GPC5: variants seen among roughly 807,000 people sequenced by gnomAD.
GPC5 encodes glypican-5.
Under a neutral mutation model 53.9 loss-of-function variants are expected in GPC5, and 47 were observed. The observed-to-expected ratio is 0.87, with a 90% CI of 0.69 to 1.11. The LOEUF (loss-of-function observed/expected upper bound fraction) is 1.11. Ranked by LOEUF, GPC5 falls within the 50% of genes most tolerant of loss-of-function variation. GPC5 has a pLI of 0.00. For missense variants in GPC5, 748 were observed against 713.1 expected (o/e 1.05, Z -0.56); for synonymous variants, 286 against 263.3 (o/e 1.09, Z -0.84).
intron 7 of GPC5, among the ~76,000 whole-genome samples, chr13:92,389,223 G>A (rs116672602): frequency 0.011 from 1,683 of 152,220 alleles, 33 homozygotes; most frequent in African/African-American, 0.038. Context: ...GATTCAAAGA[G>A]ATAAAGTGAT....
intron 7 of GPC5, among the ~76,000 whole-genome samples, chr13:92,268,094 A>G (rs1029491673): frequency 6.8e-6 from 1 of 148,040 alleles, no homozygotes; most frequent in Non-Finnish European, 1.5e-5. Flanking sequence ...CACAATGGAT[A>G]AGGCACCTTA....
chr13:92,710,139 T>C (rs564996985), intron 7 of GPC5, among the ~76,000 whole-genome samples: 8 of 152,300 alleles, frequency 5.3e-5, no homozygotes, highest in African/African-American at 1.9e-4. Context: ...ATTGTCATAA[T>C]AGTCAAATCA....
chr13:92,452,382 GA>G (rs1878097650), intron 7 of GPC5, among the ~76,000 whole-genome samples: 3 of 152,134 alleles, frequency 2.0e-5, no homozygotes, highest in African/African-American at 7.2e-5. Context: ...ACAAAAATAA[GA>G]AAACTCAAGT....
intron 6 of GPC5, among the ~76,000 whole-genome samples, chr13:91,908,466 TAA>T (rs2039577835): frequency 6.6e-6 from 1 of 152,142 alleles, no homozygotes; most frequent in Non-Finnish European, 1.5e-5. Flanking sequence ...CATTTCAATA[TAA>T]GTTAGGTCAT....
At chr13:91,977,081 T>TAAAA (rs1311714971) in intron 6 of GPC5, among the ~76,000 whole-genome samples, 16 of 135,492 alleles carry the variant, frequency 1.2e-4, no homozygotes, top group East Asian at 6.6e-4. Context: ...AATAAATAAA[T>TAAAA]AAAATAACCA....
intron 2 of GPC5, among the ~76,000 whole-genome samples, chr13:91,678,677 T>C (rs1483771458): frequency 6.6e-6 from 1 of 151,972 alleles, no homozygotes; most frequent in African/African-American, 2.4e-5. Context: ...AAAAATATAA[T>C]TAATTGATGG....
At chr13:92,244,766 G>A (rs930422358) in intron 7 of GPC5, among the ~76,000 whole-genome samples, 2 of 152,008 alleles carry the variant, frequency 1.3e-5, no homozygotes, top group Non-Finnish European at 2.9e-5. Context: ...TTGGCTGGGC[G>A]CAATGGCTCA....
chr13:91,461,519 C>T (rs1409235979), intron 2 of GPC5, among the ~76,000 whole-genome samples: 1 of 152,090 alleles, frequency 6.6e-6, no homozygotes, highest in Non-Finnish European at 1.5e-5. Flanking sequence ...CCTCAATATC[C>T]TTGCTTGTAG....
chr13:92,152,701 T>G (rs1365204952), intron 7 of GPC5, among the ~76,000 whole-genome samples: 2 of 144,466 alleles, frequency 1.4e-5, no homozygotes, highest in Non-Finnish European at 3.0e-5. Flanking sequence ...ATCGCACCAC[T>G]GCATTCCAGC....
intron 2 of GPC5, among the ~76,000 whole-genome samples, chr13:91,479,999 C>T (rs1355546984): frequency 6.6e-6 from 1 of 152,212 alleles, no homozygotes; most frequent in Middle Eastern, 3.4e-3. Context: ...TTTTTATGCT[C>T]TAATTACTGT....
At chr13:92,268,100 C>T (rs954045339) in intron 7 of GPC5, among the ~76,000 whole-genome samples, 5 of 142,310 alleles carry the variant, frequency 3.5e-5, no homozygotes, top group African/African-American at 1.1e-4. Flanking sequence ...GGATAAGGCA[C>T]CTTAATTTCA....
intron 7 of GPC5, among the ~76,000 whole-genome samples, chr13:92,329,579 C>G (rs1384359107): frequency 1.3e-5 from 2 of 152,142 alleles, no homozygotes; most frequent in African/African-American, 2.4e-5. Context: ...ATATCAAGGA[C>G]TACTTTGGTT....
rs534441644 is a variant in GPC5 at position 91,633,093 on chromosome 13, A to T, written c.326-60094A>T. ...AAGATGCTACAAATTAGACTTGATGACTGGATTTGCTGTCGTTCTGTATTT... is the reference window on the plus strand; with the variant it reads ...AAGATGCTACAAATTAGACTTGATGTCTGGATTTGCTGTCGTTCTGTATTT... On this transcript the variant is annotated intron_variant, in intron 2 of 7. Transcript: ENST00000377067. 3.3e-5 allele frequency among the ~76,000 whole-genome samples: 5 copies of T among 152,278 alleles called. No homozygotes were observed. In the South Asian group the frequency reaches 1.0e-3, roughly 32 times the overall value.
Position 91,538,825 on chromosome 13 carries a change from A to ACC in GPC5, c.325+89906_325+89907dup, listed in dbSNP as rs66541863. ...TCTCGATCTCCTGACCTCATGGTCC[A>ACC]CCCCGCCCCCCCCTCAGCCTCCCAA... On this transcript the variant is annotated intron_variant, in intron 2 of 7. Coordinates refer to ENST00000377067, the MANE Select transcript of GPC5 (RefSeq NM_004466.6). Among the ~76,000 whole-genome samples, 13 of 142,466 alleles carry ACC rather than the reference A, an allele frequency of 9.1e-5. 1 individual carries two copies. Among genetic ancestry groups the ACC allele is most frequent in the Middle Eastern group, 3.6e-3 (1 of 280 alleles). The allele number at this position is 142,466 out of a possible 152,430, so 93.5% of individuals were successfully genotyped here.
intron 7 of GPC5, among the ~76,000 whole-genome samples, chr13:92,756,448 C>T (rs960280478): frequency 2.7e-4 from 41 of 151,996 alleles, no homozygotes; most frequent in African/African-American, 8.7e-4. Context: ...TCTCACCACT[C>T]CTATTCAACA....
At chr13:91,429,371 T>C (rs1049401967) in intron 1 of GPC5, among the ~76,000 whole-genome samples, 5 of 152,320 alleles carry the variant, frequency 3.3e-5, no homozygotes, top group African/African-American at 1.2e-4. Flanking sequence ...ACATGGTCTA[T>C]GTCCCCAAGA....
intron 2 of GPC5, among the ~76,000 whole-genome samples, chr13:91,627,882 A>G (rs142373404): frequency 2.9e-4 from 44 of 152,250 alleles, no homozygotes; most frequent in African/African-American, 9.6e-4. Context: ...ACATAATTCT[A>G]AGTAATTAGA....
intron 7 of GPC5, among the ~76,000 whole-genome samples, chr13:92,236,945 A>G (rs148244926): frequency 9.2e-5 from 14 of 152,168 alleles, no homozygotes; most frequent in Non-Finnish European, 2.1e-4. Flanking sequence ...CTTATGCATA[A>G]TGTTATATAA....
chr13:92,063,341 A>T (rs547530055), intron 6 of GPC5, among the ~76,000 whole-genome samples: 1 of 152,218 alleles, frequency 6.6e-6, no homozygotes, highest in South Asian at 2.1e-4. Context: ...CTAACTTAAA[A>T]TGTCATGGTG....
Sources: allele counts gnomAD v4.1 joint callset (sites outside exome capture counted in the v4.1 genomes callset), GRCh38; gene constraint gnomAD v4.1.1; transcripts MANE v1.5; gene names NCBI Gene and HGNC (gene_info 2026-07-23, HGNC 2026-07-21).